The following ZNF257 variants were observed in gnomAD, a reference collection of about 807,000 sequenced individuals.
ZNF257 encodes bone marrow zinc finger 4.
In ZNF257, 12 loss-of-function variants were observed where a neutral mutation model predicts 11.9. The ratio of observed to expected loss-of-function variants is 1.01; its 90% CI spans 0.65 to 1.63. The LOEUF is 1.63. Among genes scored for constraint, ZNF257 ranks in the 40% most tolerant of loss-of-function variants. The probability of loss-of-function intolerance (pLI) is 0.00; values close to 1 mark genes in which losing one functional copy is unlikely to be tolerated. For synonymous variants in ZNF257, 183 were observed against 222.7 expected, an observed-to-expected ratio of 0.82 and a Z score of 1.59; for missense variants, 580 against 665.5, an observed-to-expected ratio of 0.87 and a Z score of 1.41.
intron 1 of ZNF257, among the ~76,000 whole-genome samples, chr19:22,057,553 A>G (rs2021677706): frequency 6.6e-6 from 1 of 152,138 alleles, no homozygotes; most frequent in Admixed American, 6.6e-5. Context: ...TATTGTTCTG[A>G]GATAGTTTCT....
At chr19:22,054,784 G>A (rs2021580962) in intron 1 of ZNF257, among the ~76,000 whole-genome samples, 1 of 152,130 alleles carries the variant, frequency 6.6e-6, no homozygotes, top group Admixed American at 6.5e-5. Flanking sequence ...TGGAAGCTGT[G>A]AGGTGAGATG....
intron 3 of ZNF257, among the ~76,000 whole-genome samples, chr19:22,078,792 CTTT>C (rs376822565): frequency 1.5e-5 from 2 of 132,996 alleles, no homozygotes; most frequent in Non-Finnish European, 1.6e-5. Context: ...TTCTTTCTTT[CTTT>C]TTTTTTTTTT....
At chr19:22,073,309 T>C (rs1429034554) in intron 2 of ZNF257, among the ~76,000 whole-genome samples, 160 bp from the exon 3 acceptor site, 1 of 152,174 alleles carries the variant, frequency 6.6e-6, no homozygotes, top group Admixed American at 6.5e-5. Context: ...AATCTACAAA[T>C]ATACAGTATT....
chr19:22,060,204 T>C (rs2021756708), intron 1 of ZNF257, among the ~76,000 whole-genome samples: 1 of 152,188 alleles, frequency 6.6e-6, no homozygotes. Flanking sequence ...TGGAAATTTG[T>C]TTTTACTTAC....
rs190805129 is a variant in ZNF257 at position 22,062,802 on chromosome 19, A to G, written c.4-10007A>G. 2.8e-3 allele frequency among the ~76,000 whole-genome samples: 420 copies of G among 152,256 alleles called. 4 individuals are homozygous for G. Among genetic ancestry groups the G allele is most frequent in the African/African-American group, 9.6e-3 (400 of 41,554 alleles). On this transcript the variant is annotated intron_variant, in intron 1 of 3. Transcript: ENST00000594947. ...CAGCCACTGCACCCGGCTTACCTGA[A>G]GTTTTCTTTTTCCATTTTATCTTTG... is the stretch of plus-strand genomic sequence containing the variant.
At chr19:22,087,222 C>T (rs1450470528) in intron 3 of ZNF257, among the ~76,000 whole-genome samples, 3 of 150,870 alleles carry the variant, frequency 2.0e-5, no homozygotes, top group Non-Finnish European at 4.4e-5. Flanking sequence ...ATCTTTGAGA[C>T]TGGGACATTT....
chr19:22,088,883 G>A lies in ZNF257; in HGVS notation c.1133G>A (p.Gly378Glu). ...KEKPYKCEEC[G>E]KAFNRSSHLT... Reference sequence around the variant, plus strand: ...AAACCCTACAAATGTGAAGAGTGTGGAAAAGCCTTTAACCGGTCTTCACAC... The same window carrying A: ...AAACCCTACAAATGTGAAGAGTGTGAAAAAGCCTTTAACCGGTCTTCACAC... Residue 378 changes from glycine (G) to glutamate (E), a missense_variant, in exon 4 of 4, where the codon GGA becomes GAA. Gly to Glu is a moderately conservative substitution (Grantham distance 98). Coordinates refer to ENST00000594947, the MANE Select transcript of ZNF257 (RefSeq NM_033468.4). The A allele has an allele frequency of 7.4e-6, 12 of 1,612,220 alleles. No homozygotes were observed. The highest frequency in any genetic ancestry group is 1.0e-5 in the Non-Finnish European group (12 of 1,178,814).
chr19:22,056,066 AAAAAAG>A (rs1392715745), intron 1 of ZNF257, among the ~76,000 whole-genome samples: 2 of 151,812 alleles, frequency 1.3e-5, no homozygotes, highest in African/African-American at 2.4e-5. Context: ...AAAAAAAAAA[AAAAAAG>A]AAAAGAATTG....
At chr19:22,060,851 A>T (rs1445843445) in intron 1 of ZNF257, among the ~76,000 whole-genome samples, 2 of 152,170 alleles carry the variant, frequency 1.3e-5, no homozygotes, top group African/African-American at 4.8e-5. Context: ...ACATAGTGCT[A>T]GCTAGTTATT....
At position 22,091,072 on chromosome 19, in the gene ZNF257, TTTTA is replaced by T. The variant is rs1273881871; in HGVS notation, c.*1635_*1638del. 13 of 152,302 alleles carry T rather than the reference TTTTA, an allele frequency of 8.5e-5. No homozygotes were observed. The East Asian group carries it at 2.3e-3, about 27-fold the overall frequency. The allele number at this position is 152,302 out of a possible 1,614,324, so 9.4% of individuals were successfully genotyped here. A position where few individuals can be genotyped will look rare whatever the true frequency, so the allele number is the denominator to read the frequency against. Reference sequence around the variant, plus strand: ...TACCATATAATGTTAGTGATTGTACTTTTATTTAATAAAATGCAGTACATTTTAA... The same window carrying T: ...TACCATATAATGTTAGTGATTGTACTTTTAATAAAATGCAGTACATTTTAA... On this transcript the variant is annotated 3_prime_UTR_variant, in exon 4 of 4. Transcript: ENST00000594947.
At chr19:22,083,969 G>A (rs961291047) in intron 3 of ZNF257, among the ~76,000 whole-genome samples, 3 of 152,002 alleles carry the variant, frequency 2.0e-5, no homozygotes, top group East Asian at 1.9e-4. Context: ...GTGAAACCCC[G>A]TCTCAACTAA....
At chr19:22,069,396 C>G (rs1485692553) in intron 1 of ZNF257, among the ~76,000 whole-genome samples, 1 of 151,950 alleles carries the variant, frequency 6.6e-6, no homozygotes, top group African/African-American at 2.4e-5. Flanking sequence ...GGGTGGATCA[C>G]GAGGTCAGGA....
At position 22,088,130 on chromosome 19, in the gene ZNF257, A is replaced by C; in HGVS notation, c.380A>C (p.Lys127Thr). 2.5e-6 allele frequency: 4 copies of C among 1,610,770 alleles called. No individual in the cohort carries two copies. Among genetic ancestry groups the C allele is most frequent in the Non-Finnish European group, 3.4e-6 (4 of 1,178,072 alleles). ...AGTGTGGATGAGTGTAAGGTGTGCA[A>C]AGGAGGTTATAATGGACTTAACCAA... The part of the protein sequence containing the change: ...CKSVDECKVC[K>T]GGYNGLNQCL... The change falls in exon 4 of 4, where the codon AAA (lysine) becomes ACA (threonine). Residue 127 changes from lysine to threonine, a missense_variant. Lys to Thr is a moderately conservative substitution (Grantham distance 78). Transcript: ENST00000594947.
rs1268198063 is a variant in ZNF257 at position 22,089,365 on chromosome 19, G to A, written c.1615G>A (p.Gly539Arg). 5.6e-6 allele frequency: 9 copies of A among 1,613,224 alleles called. No homozygotes were observed. The highest frequency in any genetic ancestry group is 5.9e-6 in the Non-Finnish European group (7 of 1,179,656). ...YLTVHKRIHA[G>R]ENPNKYEECG... is the part of the protein sequence containing the mutation. ...TACCGTACATAAGAGAATTCATGCT[G>A]GAGAGAACCCCAACAAATATGAAGA... is the stretch of plus-strand genomic sequence containing the variant. Residue 539 changes from glycine (G) to arginine (R), a missense_variant, in exon 4 of 4, where the codon GGA (glycine) becomes AGA (arginine). By Grantham distance (125) the Gly-to-Arg change is moderately radical (BLOSUM62 -2). Transcript: ENST00000594947.
chr19:22,076,355 A>T (rs1364209578), intron 3 of ZNF257, among the ~76,000 whole-genome samples: 1 of 151,358 alleles, frequency 6.6e-6, no homozygotes, highest in East Asian at 1.9e-4. Flanking sequence ...CTTGCTTCTA[A>T]AGTTGGATTA....
chr19:22,073,444 C>T lies in ZNF257; in HGVS notation c.131-25C>T, dbSNP rs752430543. The T allele has an allele frequency of 4.5e-5, 71 of 1,591,052 alleles. 2 individuals are homozygous for T. The Admixed American group carries it at 4.9e-4, about 11-fold the overall frequency. ...GTAATTGGAGAATATGAGCAAGATG[C>T]GTGTTACTTATTTTTAAAAAACAGG... is the stretch of plus-strand genomic sequence containing the variant. On this transcript the variant is annotated intron_variant, in intron 2 of 3. Coordinates refer to ENST00000594947, the MANE Select transcript of ZNF257 (RefSeq NM_033468.4).
At position 22,052,495 on chromosome 19, in the gene ZNF257, C is replaced by T. The variant is rs539024475; in HGVS notation, c.-138C>T. On this transcript the variant is annotated 5_prime_UTR_variant, in exon 1 of 4. Transcript: ENST00000594947. The stretch of plus-strand genomic sequence containing the variant: ...CGGGTTTGGCGGGTACTTTGTCTCT[C>T]GCTCTAGCCCGAGCTGCAGGTCTCG... 148 of 1,016,876 alleles carry T rather than the reference C, an allele frequency of 1.5e-4. No homozygotes were observed. The East Asian group carries it at 4.0e-3, about 28-fold the overall frequency. 63.0% of individuals were successfully genotyped at this position (1,016,876 alleles called of 1,614,324 possible).
At chr19:22,059,358 T>A (rs9973249) in intron 1 of ZNF257, among the ~76,000 whole-genome samples, 36,089 of 152,028 alleles carry the variant, frequency 0.24, 5,828 homozygotes, top group African/African-American at 0.46. Flanking sequence ...TATGCATTCT[T>A]ATCATTTAGC....
intron 1 of ZNF257, among the ~76,000 whole-genome samples, chr19:22,054,159 G>A (rs942018047): frequency 2.0e-5 from 3 of 149,850 alleles, no homozygotes; most frequent in African/African-American, 7.4e-5. Flanking sequence ...TGCAACCTCC[G>A]CCTCCCAGGT....
Sources: gnomAD v4.1 joint callset for allele counts (sites outside exome capture counted in the v4.1 genomes callset) on GRCh38, gnomAD v4.1.1 for gene constraint, MANE v1.5 for transcripts, NCBI Gene and HGNC (gene_info 2026-07-23, HGNC 2026-07-21) for gene names.